Variants in ARHGEF33 observed in about 807,000 individuals in gnomAD.
ARHGEF33 encodes the protein DH and coiled-coil domain-containing protein ENSP00000381780.
Under a neutral mutation model 101.9 loss-of-function variants are expected in ARHGEF33, and 72 were observed. The ratio of observed to expected loss-of-function variants is 0.71; its 90% CI spans 0.58 to 0.86. The LOEUF (loss-of-function observed/expected upper bound fraction) is 0.86. ARHGEF33 is among the 40% of genes least tolerant of loss of function. The pLI is 0.00. For synonymous variants in ARHGEF33, 499 were observed against 442.5 expected (o/e 1.13, Z -1.60); for missense variants, 1,169 against 1,111.3 (o/e 1.05, Z -0.74).
intron 2 of ARHGEF33, among the ~76,000 whole-genome samples, chr2:38,912,852 T>C (rs1666539677): frequency 3.3e-5 from 5 of 152,076 alleles, no homozygotes; most frequent in Admixed American, 1.3e-4. Context: ...AGTATTCTCA[T>C]CTAGAAAATG....
intron 2 of ARHGEF33, among the ~76,000 whole-genome samples, chr2:38,910,349 T>C (rs1666481754): frequency 6.6e-6 from 1 of 152,208 alleles, no homozygotes; most frequent in African/African-American, 2.4e-5. Flanking sequence ...GGCAGGTGGA[T>C]TGCCTGAGCT....
At chr2:38,959,814 C>A in intron 15 of ARHGEF33, 27 bp from the exon 16 acceptor site, 1 of 1,519,002 alleles carries the variant, frequency 6.6e-7, no homozygotes, top group Non-Finnish European at 8.9e-7. Context: ...AAGCACAGCT[C>A]TTTTGTACTC....
intron 10 of ARHGEF33, among the ~76,000 whole-genome samples, chr2:38,946,846 G>A (rs1022148511): frequency 5.9e-5 from 9 of 152,132 alleles, no homozygotes; most frequent in East Asian, 3.9e-4. Flanking sequence ...GGCTGGTCTC[G>A]AACTCCTGAC....
intron 4 of ARHGEF33, among the ~76,000 whole-genome samples, chr2:38,927,040 C>T (rs1666890036): frequency 6.6e-6 from 1 of 152,020 alleles, no homozygotes; most frequent in South Asian, 2.1e-4. Context: ...AGGACATGAG[C>T]CAAAATCCAT....
chr2:38,963,067 A>T (rs897254701), intron 16 of ARHGEF33, among the ~76,000 whole-genome samples: 1 of 149,476 alleles, frequency 6.7e-6, no homozygotes, highest in South Asian at 2.1e-4. Flanking sequence ...AGTCCTAGAG[A>T]GAGGTAGCAT....
At chr2:38,943,339 T>C (rs1667360422) in intron 9 of ARHGEF33, among the ~76,000 whole-genome samples, 1 of 152,214 alleles carries the variant, frequency 6.6e-6, no homozygotes, top group South Asian at 2.1e-4. Context: ...ACCTGGCTTC[T>C]GGCACTCTGG....
chr2:38,974,518 A>G lies in ARHGEF33; in HGVS notation c.*675A>G, dbSNP rs1244112674. ...CAGTAAAGGGAACAAGGATTTCTGT[A>G]GAAACTGGGGAGAGAGGAAGGCAAA... On this transcript the variant is annotated 3_prime_UTR_variant, in exon 18 of 18. Coordinates refer to ENST00000409978, the MANE Select transcript of ARHGEF33 (RefSeq NM_001145451.5). The G allele has an allele frequency of 2.0e-5, 3 of 152,230 alleles. No homozygotes were observed. Among genetic ancestry groups the G allele is most frequent in the African/African-American group, 7.2e-5 (3 of 41,458 alleles). 9.4% of individuals were successfully genotyped at this position (152,230 alleles called of 1,614,324 possible). A position where few individuals can be genotyped will look rare whatever the true frequency, so the allele number is the denominator to read the frequency against.
rs1307180456 is a variant in ARHGEF33 at position 38,937,114 on chromosome 2, C to T, written c.566-221C>T. Reference sequence around the variant, plus strand: ...GGTTCAAGCGATTCTCCTGCCTCAGCCTCCTGAGTAGCTGGGACTACAGGT... The same window carrying T: ...GGTTCAAGCGATTCTCCTGCCTCAGTCTCCTGAGTAGCTGGGACTACAGGT... On this transcript the variant is annotated intron_variant, in intron 8 of 17. Coordinates refer to ENST00000409978, the MANE Select transcript of ARHGEF33 (RefSeq NM_001145451.5). 3.1e-4 allele frequency: 132 copies of T among 426,700 alleles called. 1 individual carries two copies. The highest frequency in any genetic ancestry group is 4.4e-4 in the Admixed American group (12 of 26,990). The allele number at this position is 426,700 out of a possible 1,614,324, so 26.4% of individuals were successfully genotyped here. A position where few individuals can be genotyped will look rare whatever the true frequency, so the allele number is the denominator to read the frequency against.
intron 9 of ARHGEF33, among the ~76,000 whole-genome samples, chr2:38,942,290 CCT>C (rs1667331518): frequency 6.6e-6 from 1 of 151,474 alleles, no homozygotes; most frequent in African/African-American, 2.4e-5. Flanking sequence ...GCCTCAGCCC[CCT>C]GAGTAGCTGG....
chr2:38,928,965 C>G lies in ARHGEF33; in HGVS notation c.134C>G (p.Ser45Ter). The G allele has an allele frequency of 6.4e-7, 1 of 1,551,400 alleles. No homozygotes were observed. The highest frequency in any genetic ancestry group is 8.7e-7 in the Non-Finnish European group (1 of 1,146,770). ...TTCACAGAAGCAATGCAAGAACTGT[C>G]AAGAATTCAACATGGAGAATATGCT... ...TGFTEAMQELSRIQHGEYALE... is the reference protein window; with the variant it reads ...TGFTEAMQEL Residue 45 changes from serine to a stop codon, truncating the protein, a stop_gained, in exon 5 of 18, where the codon TCA becomes TGA. Coordinates refer to ENST00000409978, the MANE Select transcript of ARHGEF33 (RefSeq NM_001145451.5). LOFTEE classifies it high-confidence loss of function.
chr2:38,901,015 C>T (rs866958053), intron 2 of ARHGEF33, among the ~76,000 whole-genome samples: 11 of 152,226 alleles, frequency 7.2e-5, no homozygotes, highest in African/African-American at 2.4e-4. Flanking sequence ...ACTCAGCCTT[C>T]TTTGAAGGCT....
At chr2:38,952,723 G>A (rs186348034) in intron 11 of ARHGEF33, among the ~76,000 whole-genome samples, 1 of 151,198 alleles carries the variant, frequency 6.6e-6, no homozygotes, top group African/African-American at 2.4e-5. Flanking sequence ...TTTTGAGCCG[G>A]AGTCTCACTC....
chr2:38,954,386 T>C lies in ARHGEF33; in HGVS notation c.1151T>C (p.Ile384Thr). Residue 384 changes from isoleucine (I) to threonine (T), a missense_variant, in exon 13 of 18, where the codon ATT (isoleucine) becomes ACT (threonine). Transcript: ENST00000409978. ...VVVLKEGDEE[I>T]KSDIYTLFFH... is the part of the protein sequence containing the mutation. ...TCTTTCATTCAGGGTGATGAAGAGA[T>C]TAAATCTGACATCTACACGTTGTTT... 1 of 1,546,566 alleles carries C rather than the reference T, an allele frequency of 6.5e-7. No homozygotes were observed. Among genetic ancestry groups the C allele is most frequent in the Non-Finnish European group, 8.7e-7 (1 of 1,143,056 alleles).
rs185994001 is a variant in ARHGEF33, at chr2:38,949,637, G to A, written c.921-1352G>A. ...AAAAAGTGCTTTGTAAAATTCCAGGGAGTAGCAAGCCAGGCCTGGTCAGTA... is the reference window on the plus strand; with the variant it reads ...AAAAAGTGCTTTGTAAAATTCCAGGAAGTAGCAAGCCAGGCCTGGTCAGTA... On this transcript the variant is annotated intron_variant, in intron 10 of 17. Coordinates refer to ENST00000409978, the MANE Select transcript of ARHGEF33 (RefSeq NM_001145451.5). Among the ~76,000 whole-genome samples the A allele has an allele frequency of 2.8e-3, 429 of 152,344 alleles. 2 individuals are homozygous for A. Among genetic ancestry groups the A allele is most frequent in the Non-Finnish European group, 5.0e-3 (337 of 68,028 alleles).
chr2:38,936,716 C>G (rs2373470), intron 8 of ARHGEF33, among the ~76,000 whole-genome samples: 7,480 of 152,044 alleles, frequency 0.049, 215 homozygotes, highest in Non-Finnish European at 0.061. Context: ...TGGCTCACGC[C>G]TGTAATCTCA....
chr2:38,945,253 T>C (rs939963058), intron 10 of ARHGEF33, among the ~76,000 whole-genome samples: 1 of 151,938 alleles, frequency 6.6e-6, no homozygotes, highest in African/African-American at 2.4e-5. Flanking sequence ...CTCCTTACCA[T>C]CCCCCCAAAT....
intron 2 of ARHGEF33, among the ~76,000 whole-genome samples, chr2:38,918,957 G>A (rs537334475): frequency 1.5e-3 from 223 of 152,034 alleles, no homozygotes; most frequent in Admixed American, 3.4e-3. Flanking sequence ...GAGGTGGGAG[G>A]ACCACTTGAG....
At chr2:38,957,944 G>T in intron 14 of ARHGEF33, 90 bp from the exon 15 acceptor site, 6 of 1,440,748 alleles carry the variant, frequency 4.2e-6, no homozygotes, top group Non-Finnish European at 5.7e-6. Flanking sequence ...CTTTATCTGA[G>T]ACATCTCTCT....
intron 12 of ARHGEF33, among the ~76,000 whole-genome samples, chr2:38,953,946 G>C (rs1357493452): frequency 4.6e-5 from 7 of 152,228 alleles, no homozygotes; most frequent in African/African-American, 1.7e-4. Context: ...GGCCAGGCCA[G>C]CTAACTAGGT....
Sources: allele counts gnomAD v4.1 joint callset (sites outside exome capture counted in the v4.1 genomes callset), GRCh38; gene constraint gnomAD v4.1.1; transcripts MANE v1.5; gene names NCBI Gene and HGNC (gene_info 2026-07-23, HGNC 2026-07-21).